PLS3: variants seen among roughly 807,000 people sequenced by gnomAD.
PLS3 encodes the protein plastin 3.
A neutral mutation model predicts 46.5 loss-of-function variants in PLS3; 11 were observed. That is an observed-to-expected ratio of 0.24 (90% CI 0.15 to 0.39). The LOEUF is 0.39. Among genes scored for constraint, PLS3 ranks in the 10% least tolerant of loss-of-function variants. PLS3 has a pLI of 1.00. For synonymous variants in PLS3, 167 were observed against 162.2 expected, an observed-to-expected ratio of 1.03 and a Z score of -0.22; for missense variants, 308 against 461.8, an observed-to-expected ratio of 0.67 and a Z score of 3.05.
intron 1 of PLS3, among the ~76,000 whole-genome samples, chrX:115,595,650 G>A (rs1398970438): frequency 9.3e-6 from 1 of 107,025 alleles, no homozygotes; most frequent in South Asian, 4.2e-4. Flanking sequence ...AATGTTAGTA[G>A]ACCTTTAGTT....
Position 115,642,038 on chromosome X carries a change from C to CTT in PLS3, c.988-1254_988-1253dup, listed in dbSNP as rs782288958. Among the ~76,000 whole-genome samples the CTT allele has an allele frequency of 3.4e-3, 224 of 65,673 alleles. 3 individuals are homozygous for CTT. Among genetic ancestry groups the CTT allele is most frequent in the African/African-American group, 9.4e-3 (154 of 16,381 alleles). The allele number at this position is 65,673 out of a possible 115,157, so 57.0% of individuals were successfully genotyped here. On this transcript the variant is annotated intron_variant, in intron 9 of 15. Coordinates refer to ENST00000355899, the MANE Select transcript of PLS3 (RefSeq NM_005032.7). ...TTCAGCTTTACACCTTCTTTAGGGT[C>CTT]TTTTTTTTTTTTTTTTTTTTTTAAG...
chrX:115,612,576 G>A (rs1472609370), intron 2 of PLS3, among the ~76,000 whole-genome samples: 1 of 111,161 alleles, frequency 9.0e-6, no homozygotes, highest in Non-Finnish European at 1.9e-5. Flanking sequence ...CTTTGTCTCA[G>A]TTCAATTGCG....
intron 4 of PLS3, among the ~76,000 whole-genome samples, chrX:115,629,549 A>C (rs1233374880): frequency 8.9e-6 from 1 of 112,157 alleles, no homozygotes; most frequent in Non-Finnish European, 1.9e-5. Flanking sequence ...CAATCCATGT[A>C]ATGACAGGCT....
intron 1 of PLS3, among the ~76,000 whole-genome samples, chrX:115,604,127 A>T (rs1249413181): frequency 8.9e-6 from 1 of 112,146 alleles, no homozygotes; most frequent in African/African-American, 3.2e-5. Context: ...AGTGACTGAC[A>T]GGTTTTCCTT....
intron 3 of PLS3, chrX:115,624,256 A>C (rs1556638162): frequency 9.4e-6 from 1 of 106,078 alleles, no homozygotes; most frequent in East Asian, 2.9e-4. Context: ...AAAAAAAAGC[A>C]GACTTGTGTC....
intron 1 of PLS3, among the ~76,000 whole-genome samples, chrX:115,602,149 A>G (rs1483565020): frequency 1.8e-5 from 2 of 111,761 alleles, no homozygotes; most frequent in Admixed American, 1.9e-4. Flanking sequence ...CATTTAGTAT[A>G]TATGACTGTG....
chrX:115,606,133 C>CTT (rs1402824157), intron 1 of PLS3, among the ~76,000 whole-genome samples: 1 of 41,773 alleles, frequency 2.4e-5, no homozygotes, highest in Non-Finnish European at 5.1e-5. Context: ...TATCTAATTT[C>CTT]TTTTTTTTTT....
At chrX:115,569,827 C>CATTCTCA (rs1453683998) in intron 1 of PLS3, among the ~76,000 whole-genome samples, 1 of 112,125 alleles carries the variant, frequency 8.9e-6, no homozygotes, top group Non-Finnish European at 1.9e-5. Context: ...CCCAACAACA[C>CATTCTCA]ATTCTCACTA....
chrX:115,635,730 C>T (rs1556640120), intron 7 of PLS3, among the ~76,000 whole-genome samples: 2 of 108,715 alleles, frequency 1.8e-5, no homozygotes, highest in South Asian at 8.4e-4. Flanking sequence ...TGGACCATGC[C>T]TGTAATCCCA....
chrX:115,567,380 T>G (rs145058778), intron 1 of PLS3, among the ~76,000 whole-genome samples: 1 of 110,238 alleles, frequency 9.1e-6, no homozygotes, highest in African/African-American at 3.3e-5. Context: ...GTGGATCACT[T>G]CAGGCCAGGA....
At chrX:115,576,492 T>G (rs1254782600) in intron 1 of PLS3, among the ~76,000 whole-genome samples, 2 of 111,689 alleles carry the variant, frequency 1.8e-5, no homozygotes, top group Admixed American at 9.6e-5. Context: ...GGTTGCTTGA[T>G]CCCGTGATCA....
At chrX:115,616,102 G>T (rs781857264) in intron 2 of PLS3, among the ~76,000 whole-genome samples, 25 of 111,466 alleles carry the variant, frequency 2.2e-4, no homozygotes, top group Non-Finnish European at 4.3e-4. Context: ...TGTTATTTTG[G>T]GTCAGTTTAT....
chrX:115,641,034 G>T (rs1222639086), intron 9 of PLS3, among the ~76,000 whole-genome samples: 1 of 109,970 alleles, frequency 9.1e-6, no homozygotes, highest in Non-Finnish European at 1.9e-5. Flanking sequence ...TCTCAAAATT[G>T]GATTTCACTT....
At position 115,614,897 on chromosome X, in the gene PLS3, C is replaced by T. The variant is rs2074582242; in HGVS notation, c.73+4574C>T. Reference sequence around the variant, plus strand: ...GCATCTGCACTTGCTAGGCTTTCTTCTTTAAGTCCTAATGAGCACTGTCCT... The same window carrying T: ...GCATCTGCACTTGCTAGGCTTTCTTTTTTAAGTCCTAATGAGCACTGTCCT... On this transcript the variant is annotated intron_variant, in intron 2 of 15. Transcript: ENST00000355899. Among the ~76,000 whole-genome samples, 4 of 111,872 alleles carry T rather than the reference C, an allele frequency of 3.6e-5. No individual in the cohort carries two copies. In the Admixed American group the frequency reaches 3.8e-4, roughly 11 times the overall value.
chrX:115,566,750 G>A (rs1438646776), intron 1 of PLS3, among the ~76,000 whole-genome samples: 2 of 109,289 alleles, frequency 1.8e-5, no homozygotes, highest in Admixed American at 2.0e-4. Flanking sequence ...CGTGATCTCA[G>A]CCCACTGCAA....
intron 3 of PLS3, among the ~76,000 whole-genome samples, chrX:115,626,407 C>T (rs1603239066): frequency 9.1e-6 from 1 of 109,372 alleles, no homozygotes; most frequent in African/African-American, 3.3e-5. Context: ...GCCTCAGTCT[C>T]CAGAGTAGCT....
At chrX:115,599,336 CAA>C (rs1226830291) in intron 1 of PLS3, among the ~76,000 whole-genome samples, 2 of 32,410 alleles carry the variant, frequency 6.2e-5, no homozygotes, top group Admixed American at 3.9e-4. Flanking sequence ...CCTGTCTCTA[CAA>C]AAAAAAAAAA....
At chrX:115,643,069 T>C (rs932593358) in intron 9 of PLS3, among the ~76,000 whole-genome samples, 1 of 111,853 alleles carries the variant, frequency 8.9e-6, no homozygotes, top group South Asian at 3.7e-4. Context: ...AACTTCTTTC[T>C]TAATGCAATT....
chrX:115,565,073 G>C (rs1197424450), intron 1 of PLS3, among the ~76,000 whole-genome samples: 1 of 111,733 alleles, frequency 8.9e-6, no homozygotes, highest in Non-Finnish European at 1.9e-5. Context: ...TTACAATGTT[G>C]GAAGATTTTT....
Sources: gnomAD v4.1 joint callset for allele counts (sites outside exome capture counted in the v4.1 genomes callset) on GRCh38, gnomAD v4.1.1 for gene constraint, MANE v1.5 for transcripts, NCBI Gene and HGNC (gene_info 2026-07-23, HGNC 2026-07-21) for gene names.